The following DDX10 variants were observed in gnomAD, a reference collection of about 807,000 sequenced individuals.
DDX10 encodes probable ATP-dependent RNA helicase DDX10.
A neutral mutation model predicts 104.3 loss-of-function variants in DDX10; 74 were observed. That is an observed-to-expected ratio of 0.71 (90% CI 0.59 to 0.86). The LOEUF is 0.86. Among genes scored for constraint, DDX10 ranks in the 40% least tolerant of loss-of-function variants. The probability of loss-of-function intolerance (pLI) is 0.00; values close to 1 mark genes in which losing one functional copy is unlikely to be tolerated. For missense variants in DDX10, 952 were observed against 1,040.0 expected, an observed-to-expected ratio of 0.92 and a Z score of 1.16; for synonymous variants, 351 against 353.4, an observed-to-expected ratio of 0.99 and a Z score of 0.08.
chr11:108,824,400 T>C (rs1050605013), intron 13 of DDX10, among the ~76,000 whole-genome samples: 2 of 152,218 alleles, frequency 1.3e-5, no homozygotes, highest in Non-Finnish European at 2.9e-5. Flanking sequence ...TTAACCCTGT[T>C]AGCCAAATGA....
intron 16 of DDX10, among the ~76,000 whole-genome samples, chr11:108,910,503 C>T (rs1591121760): frequency 6.6e-6 from 1 of 152,158 alleles, no homozygotes; most frequent in East Asian, 1.9e-4. Context: ...AATAACCAGT[C>T]AGGTAACATT....
chr11:108,678,330 G>T lies in DDX10; in HGVS notation c.553G>T (p.Ala185Ser), dbSNP rs1179168754. The stretch of plus-strand genomic sequence containing the variant: ...CTGTTTTCAGGATCTAAAACACGAA[G>T]CTGAGAGGATCAACAACATAAATAT... ...IIGGKDLKHE[A>S]ERINNINILV... Residue 185 changes from alanine (A) to serine (S), a missense_variant, in exon 5 of 18, where the codon GCT becomes TCT. Physicochemically the swap from Ala to Ser is moderately conservative, Grantham distance 99. Transcript: ENST00000322536. The T allele has an allele frequency of 5.6e-6, 9 of 1,610,238 alleles. No individual in the cohort carries two copies. Among genetic ancestry groups the T allele is most frequent in the Non-Finnish European group, 7.6e-6 (9 of 1,178,694 alleles).
chr11:108,928,175 TTTA>T (rs1178275169), intron 17 of DDX10, among the ~76,000 whole-genome samples: 1 of 152,206 alleles, frequency 6.6e-6, no homozygotes, highest in Non-Finnish European at 1.5e-5. Flanking sequence ...CACTTGTAAG[TTTA>T]TTGGCTAAAG....
chr11:108,808,009 C>G (rs1378605764), intron 13 of DDX10, among the ~76,000 whole-genome samples: 5 of 152,122 alleles, frequency 3.3e-5, no homozygotes, highest in East Asian at 1.9e-4. Context: ...TCAGGTAACA[C>G]AGTTTCACTC....
chr11:108,909,514 C>G (rs1863640261), intron 16 of DDX10, among the ~76,000 whole-genome samples: 1 of 151,576 alleles, frequency 6.6e-6, no homozygotes, highest in Admixed American at 6.6e-5. Context: ...TGTGCCTCTT[C>G]CTCTGGCTGT....
chr11:108,665,275 T>G lies in DDX10; in HGVS notation c.122T>G (p.Leu41Arg), dbSNP rs113145235. The change falls in exon 1 of 18, where the codon CTG becomes CGG. Residue 41 changes from leucine (L) to arginine (R), a missense_variant. Physicochemically the swap from Leu to Arg is moderately radical, Grantham distance 102 (BLOSUM62 -2). Transcript: ENST00000322536. ...QNKKKQLRKQLKKPEWQVERE... is the reference protein window; with the variant it reads ...QNKKKQLRKQRKKPEWQVERE... ...AAAAAGAAGCAGTTGAGGAAGCAAC[T>G]GAAGAAACCCGAATGGCAGGTCGAG... 1.2e-6 allele frequency: 2 copies of G among 1,608,438 alleles called. No homozygotes were observed. The highest frequency in any genetic ancestry group is 1.7e-5 in the Admixed American group (1 of 59,004).
In DDX10 at chr11:108,859,262, T is replaced by C. The variant is rs551550200; in HGVS notation, c.2304+7053T>C. Among the ~76,000 whole-genome samples the C allele has an allele frequency of 5.9e-5, 9 of 152,252 alleles. No homozygotes were observed. The South Asian group carries it at 1.9e-3, about 32-fold the overall frequency. Reference sequence around the variant, plus strand: ...CAAGTCAAACCTTTTACACTTGGAGTATTAGACCAGATTAATTTAAGGCAG... The same window carrying C: ...CAAGTCAAACCTTTTACACTTGGAGCATTAGACCAGATTAATTTAAGGCAG... On this transcript the variant is annotated intron_variant, in intron 16 of 17. Transcript: ENST00000322536.
intron 17 of DDX10, chr11:108,921,099 A>G (rs1377989624): frequency 1.3e-5 from 2 of 152,202 alleles, no homozygotes; most frequent in East Asian, 3.9e-4. Flanking sequence ...CCTATTTGCC[A>G]TTCCTGGACT....
chr11:108,853,490 A>G (rs953414627), intron 16 of DDX10, among the ~76,000 whole-genome samples: 2 of 151,972 alleles, frequency 1.3e-5, no homozygotes, highest in Non-Finnish European at 2.9e-5. Context: ...TTGTATATAT[A>G]TTACTAAATA....
At position 108,796,056 on chromosome 11, in the gene DDX10, T is replaced by C. The variant is rs1861936928; in HGVS notation, c.1966-42390T>C. Among the ~76,000 whole-genome samples the C allele has an allele frequency of 2.6e-5, 4 of 152,238 alleles. No homozygotes were observed. In the South Asian group the frequency reaches 8.3e-4, roughly 31 times the overall value. ...TCAGCAGTTTATACCTTTCAATAAA[T>C]TTGTTCATTCCATCTAAATCACCAA... On this transcript the variant is annotated intron_variant, in intron 13 of 17. Coordinates refer to ENST00000322536, the MANE Select transcript of DDX10 (RefSeq NM_004398.4).
intron 1 of DDX10, among the ~76,000 whole-genome samples, chr11:108,668,796 G>A (rs960188139): frequency 6.6e-6 from 1 of 152,138 alleles, no homozygotes; most frequent in African/African-American, 2.4e-5. Flanking sequence ...CGTTATATTA[G>A]TATGCATAAA....
At chr11:108,900,075 G>A (rs1445476587) in intron 16 of DDX10, among the ~76,000 whole-genome samples, 1 of 151,698 alleles carries the variant, frequency 6.6e-6, no homozygotes, top group Non-Finnish European at 1.5e-5. Flanking sequence ...ATGCGTCACT[G>A]CACTCCAGCC....
At chr11:108,890,590 A>G (rs759987727) in intron 16 of DDX10, among the ~76,000 whole-genome samples, 4 of 150,896 alleles carry the variant, frequency 2.7e-5, no homozygotes, top group Admixed American at 6.6e-5. Context: ...AAAGGCCTCT[A>G]CCCTGCATAG....
At position 108,918,030 on chromosome 11, in the gene DDX10, C is replaced by T; in HGVS notation, c.2450+12C>T. On this transcript the variant is annotated intron_variant, in intron 17 of 17. Transcript: ENST00000322536. ...GAAAATAAAATAAGGTATGTTTTTA[C>T]TATGGGTATGAAATACATACTTAGT... 6.2e-7 allele frequency: 1 copy of T among 1,609,894 alleles called. No homozygotes were observed. The highest frequency in any genetic ancestry group is 8.5e-7 in the Non-Finnish European group (1 of 1,176,442).
chr11:108,810,536 CA>C (rs1371954404), intron 13 of DDX10, among the ~76,000 whole-genome samples: 1 of 152,014 alleles, frequency 6.6e-6, no homozygotes, highest in Non-Finnish European at 1.5e-5. Flanking sequence ...CAAGTAGTGA[CA>C]GTGTTGAGAG....
chr11:108,864,171 G>A (rs1000526894), intron 16 of DDX10, among the ~76,000 whole-genome samples: 10 of 152,060 alleles, frequency 6.6e-5, no homozygotes, highest in Non-Finnish European at 1.2e-4. Flanking sequence ...ATTAGTATAC[G>A]TTGCCTTTTT....
At chr11:108,898,223 A>G (rs538992465) in intron 16 of DDX10, among the ~76,000 whole-genome samples, 104 of 152,242 alleles carry the variant, frequency 6.8e-4, no homozygotes, top group African/African-American at 2.5e-3. Context: ...CCAGACAAAA[A>G]GAATCGAGCC....
chr11:108,937,062 G>A (rs1864045429), intron 17 of DDX10, among the ~76,000 whole-genome samples: 1 of 152,226 alleles, frequency 6.6e-6, no homozygotes, highest in Non-Finnish European at 1.5e-5. Context: ...TTAATAGGCA[G>A]ATTTGTACCT....
intron 16 of DDX10, among the ~76,000 whole-genome samples, chr11:108,861,365 G>C (rs1193334489): frequency 6.6e-6 from 1 of 152,108 alleles, no homozygotes; most frequent in Non-Finnish European, 1.5e-5. Context: ...GGACGGGTGA[G>C]TGTGTTTCTC....
Sources: gnomAD v4.1 joint callset for allele counts (sites outside exome capture counted in the v4.1 genomes callset) on GRCh38, gnomAD v4.1.1 for gene constraint, MANE v1.5 for transcripts, NCBI Gene and HGNC (gene_info 2026-07-23, HGNC 2026-07-21) for gene names.